SEC63: variants seen among roughly 807,000 people sequenced by gnomAD.
The protein encoded by SEC63 is translocation protein SEC63 homolog.
SEC63 carries 56 observed loss-of-function variants against 116.2 expected under a neutral mutation model. The ratio of observed to expected loss-of-function variants is 0.48; its 90% CI spans 0.39 to 0.60. The LOEUF (loss-of-function observed/expected upper bound fraction) is 0.60, where lower values mean the gene tolerates loss of function less well. Ranked by LOEUF, SEC63 falls within the 20% of genes least tolerant of loss-of-function variation. The pLI is 0.00. For missense variants in SEC63, 668 were observed against 900.0 expected, an observed-to-expected ratio of 0.74 and a Z score of 3.30; for synonymous variants, 273 against 294.6, an observed-to-expected ratio of 0.93 and a Z score of 0.75.
At chr6:107,898,168 G>A (rs558903570) in intron 13 of SEC63, among the ~76,000 whole-genome samples, 121 of 152,016 alleles carry the variant, frequency 8.0e-4, no homozygotes, top group Non-Finnish European at 1.5e-3. Flanking sequence ...GGAGGCTGAG[G>A]TGGAGGATAG....
chr6:107,887,860 C>A (rs548271974), intron 16 of SEC63, among the ~76,000 whole-genome samples: 7 of 152,144 alleles, frequency 4.6e-5, no homozygotes, highest in African/African-American at 1.7e-4. Context: ...ATCCTTTCCC[C>A]ATTGCTTGTT....
At chr6:107,947,337 G>T (rs927712603) in intron 1 of SEC63, among the ~76,000 whole-genome samples, 2 of 151,832 alleles carry the variant, frequency 1.3e-5, no homozygotes, top group Non-Finnish European at 2.9e-5. Flanking sequence ...CTCACTATCG[G>T]ACAAGAAGTT....
chr6:107,883,143 C>A lies in SEC63; in HGVS notation c.1678G>T (p.Ala560Ser), dbSNP rs773658254. 2 of 1,611,918 alleles carry A rather than the reference C, an allele frequency of 1.2e-6. No individual in the cohort carries two copies. Among genetic ancestry groups the A allele is most frequent in the East Asian group, 4.5e-5 (2 of 44,764 alleles). Residue 560 changes from alanine (A) to serine (S), a missense_variant, in exon 17 of 21, where the codon GCT (alanine) becomes TCT (serine). Physicochemically the swap from Ala to Ser is moderately conservative, Grantham distance 99 (BLOSUM62 1). Coordinates refer to ENST00000369002, the MANE Select transcript of SEC63 (RefSeq NM_007214.5). The part of the protein sequence containing the change: ...KQANGVVGNE[A>S]AVKEDEEEVS... ...TCTTCTTCATCTTCCTTTACTGCAG[C>A]TTCCTAAAAGGGAAAGGCAAACACA...
chr6:107,872,036 C>T (rs1285357026), intron 20 of SEC63, among the ~76,000 whole-genome samples, 189 bp from the exon 21 acceptor site: 4 of 152,124 alleles, frequency 2.6e-5, no homozygotes, highest in Non-Finnish European at 5.9e-5. Flanking sequence ...GTAAATTTAA[C>T]AATATGTAAA....
intron 4 of SEC63, among the ~76,000 whole-genome samples, chr6:107,920,472 T>C (rs1249738884): frequency 1.4e-5 from 2 of 143,896 alleles, no homozygotes; most frequent in African/African-American, 2.5e-5. Flanking sequence ...ACTGCACGCT[T>C]AATAGACTAT....
At chr6:107,921,166 A>G (rs986831547) in intron 4 of SEC63, among the ~76,000 whole-genome samples, 1 of 152,160 alleles carries the variant, frequency 6.6e-6, no homozygotes, top group Non-Finnish European at 1.5e-5. Flanking sequence ...TAAGCTACAC[A>G]TTGCCAAAAC....
chr6:107,905,402 C>T (rs912579156), intron 10 of SEC63, among the ~76,000 whole-genome samples: 1 of 152,124 alleles, frequency 6.6e-6, no homozygotes, highest in African/African-American at 2.4e-5. Flanking sequence ...GCCTTGTTTT[C>T]GGAAGCATTT....
chr6:107,952,801 G>A (rs1770607829), intron 1 of SEC63, among the ~76,000 whole-genome samples: 1 of 152,152 alleles, frequency 6.6e-6, no homozygotes, highest in Non-Finnish European at 1.5e-5. Flanking sequence ...CTTTAAGGTT[G>A]TGTAACTGCC....
intron 1 of SEC63, 123 bp from the exon 2 acceptor site, chr6:107,929,637 C>T: frequency 3.1e-6 from 2 of 649,122 alleles, no homozygotes; most frequent in Non-Finnish European, 5.5e-6. Flanking sequence ...GAAATTACTG[C>T]CTATTCAAAT....
chr6:107,950,354 C>T (rs1770553787), intron 1 of SEC63, among the ~76,000 whole-genome samples: 1 of 152,126 alleles, frequency 6.6e-6, no homozygotes, highest in Non-Finnish European at 1.5e-5. Context: ...CACCCTCCAT[C>T]CCCAAAAATG....
chr6:107,903,009 A>T lies in SEC63; in HGVS notation c.1055-11T>A. ...CACGAAACTCCCTTTCTTAGAAAGA[A>T]CAGGAAAAAAAGAAACAGGGCTGGA... On this transcript the variant is annotated splice_polypyrimidine_tract_variant and intron_variant, in intron 11 of 20. Transcript: ENST00000369002. 2 of 1,613,954 alleles carry T rather than the reference A, an allele frequency of 1.2e-6. No homozygotes were observed. The highest frequency in any genetic ancestry group is 1.7e-6 in the Non-Finnish European group (2 of 1,179,924).
intron 16 of SEC63, among the ~76,000 whole-genome samples, chr6:107,887,846 G>A (rs1786570818): frequency 6.6e-6 from 1 of 152,182 alleles, no homozygotes; most frequent in African/African-American, 2.4e-5. Flanking sequence ...TTATTAAATA[G>A]GGAATCCTTT....
intron 4 of SEC63, among the ~76,000 whole-genome samples, chr6:107,916,690 C>A (rs957573216): frequency 3.3e-5 from 5 of 152,206 alleles, no homozygotes; most frequent in African/African-American, 1.2e-4. Flanking sequence ...CACAATATAT[C>A]TAATGTTTTC....
At chr6:107,933,214 G>T (rs1187837136) in intron 1 of SEC63, among the ~76,000 whole-genome samples, 1 of 152,108 alleles carries the variant, frequency 6.6e-6, no homozygotes, top group Non-Finnish European at 1.5e-5. Context: ...CAAGAAAACA[G>T]ATTCTACCCT....
chr6:107,949,202 TACTG>T (rs1770533201), intron 1 of SEC63, among the ~76,000 whole-genome samples: 1 of 152,228 alleles, frequency 6.6e-6, no homozygotes, highest in Non-Finnish European at 1.5e-5. Flanking sequence ...GGAAATCAAA[TACTG>T]AAAGAGGTGG....
chr6:107,947,018 C>T (rs1254453331), intron 1 of SEC63, among the ~76,000 whole-genome samples: 3 of 151,436 alleles, frequency 2.0e-5, no homozygotes, highest in African/African-American at 7.3e-5. Context: ...CAAACATCAA[C>T]CATAAGCTCT....
intron 1 of SEC63, among the ~76,000 whole-genome samples, chr6:107,947,810 T>A (rs911615257): frequency 4.6e-5 from 7 of 152,098 alleles, no homozygotes; most frequent in African/African-American, 1.7e-4. Context: ...GCCTCTGAAA[T>A]GGACACCCCC....
intron 1 of SEC63, among the ~76,000 whole-genome samples, chr6:107,932,596 G>C (rs2114492683): frequency 6.6e-6 from 1 of 152,252 alleles, no homozygotes; most frequent in East Asian, 1.9e-4. Context: ...GTTTTCCACT[G>C]TCAAGAAAAA....
Position 107,958,154 on chromosome 6 carries a change from G to A in SEC63, c.-145C>T. The stretch of plus-strand genomic sequence containing the variant: ...TCCCCGCCCCCACGCCACTCTCACG[G>A]ACACGCCGCCGCCACCTCTGCCGCT... On this transcript the variant is annotated 5_prime_UTR_variant, in exon 1 of 21. Coordinates refer to ENST00000369002, the MANE Select transcript of SEC63 (RefSeq NM_007214.5). 1 of 1,296,306 alleles carries A rather than the reference G, an allele frequency of 7.7e-7. No individual in the cohort carries two copies. The highest frequency in any genetic ancestry group is 1.1e-6 in the Non-Finnish European group (1 of 929,062). The allele number at this position is 1,296,306 out of a possible 1,614,324, so 80.3% of individuals were successfully genotyped here.
Sources: gnomAD v4.1 joint callset for allele counts (sites outside exome capture counted in the v4.1 genomes callset) on GRCh38, gnomAD v4.1.1 for gene constraint, MANE v1.5 for transcripts, NCBI Gene and HGNC (gene_info 2026-07-23, HGNC 2026-07-21) for gene names.